MBLAC2: variants seen among roughly 807,000 people sequenced by gnomAD.
MBLAC2 encodes the protein acyl-coenzyme A thioesterase MBLAC2.
MBLAC2 carries 24 observed loss-of-function variants against 23.3 expected under a neutral mutation model. The ratio of observed to expected loss-of-function variants is 1.03; its 90% CI spans 0.75 to 1.45. The LOEUF is 1.45. Among genes scored for constraint, MBLAC2 ranks in the 40% most tolerant of loss-of-function variants. The pLI, the probability that MBLAC2 is intolerant of heterozygous loss-of-function variation, is 0.00. For synonymous variants in MBLAC2, 162 were observed against 150.9 expected, an observed-to-expected ratio of 1.07 and a Z score of -0.54; for missense variants, 358 against 370.0, an observed-to-expected ratio of 0.97 and a Z score of 0.27.
chr5:90,469,323 A>G (rs1410675538), intron 1 of MBLAC2, among the ~76,000 whole-genome samples: 1 of 152,042 alleles, frequency 6.6e-6, no homozygotes, highest in Non-Finnish European at 1.5e-5. Flanking sequence ...CATTATTCTA[A>G]GGCTGGATTT....
chr5:90,474,187 G>C lies in MBLAC2; in HGVS notation c.106C>G (p.Arg36Gly), dbSNP rs766243313. ...ATCACCACGTCCTGCTCGGAGCCGC[G>C]CACCAGCCAGATGTTGGCACGGTTG... ...SGNRANIWLV[R>G]GSEQDVVIDT... is the part of the protein sequence containing the mutation. The change falls in exon 1 of 2, where the codon CGC (arginine) becomes GGC (glycine). Residue 36 changes from arginine (R) to glycine (G), a missense_variant. Transcript: ENST00000316610. 1.2e-6 allele frequency: 2 copies of C among 1,608,384 alleles called. No homozygotes were observed. Among genetic ancestry groups the C allele is most frequent in the African/African-American group, 1.3e-5 (1 of 74,844 alleles).
chr5:90,462,955 A>C (rs886652615), intron 1 of MBLAC2, among the ~76,000 whole-genome samples: 2 of 152,100 alleles, frequency 1.3e-5, no homozygotes, highest in Admixed American at 1.3e-4. Context: ...TCAACAGGCT[A>C]TAAAGCTAGG....
At chr5:90,466,049 G>A (rs559916410) in intron 1 of MBLAC2, among the ~76,000 whole-genome samples, 2 of 152,278 alleles carry the variant, frequency 1.3e-5, no homozygotes, top group East Asian at 3.9e-4. Context: ...GAGGAACACA[G>A]TAAGAAGACG....
chr5:90,466,671 T>A (rs1056676447), intron 1 of MBLAC2, among the ~76,000 whole-genome samples: 1 of 152,184 alleles, frequency 6.6e-6, no homozygotes, highest in Non-Finnish European at 1.5e-5. Flanking sequence ...GCTGAATTTT[T>A]AAAAAAGATT....
intron 1 of MBLAC2, among the ~76,000 whole-genome samples, chr5:90,470,753 C>T (rs996309959): frequency 2.0e-5 from 2 of 98,456 alleles, no homozygotes; most frequent in Non-Finnish European, 4.2e-5. Flanking sequence ...AACTAGCGCG[C>T]GCGCACACAC....
At chr5:90,472,878 G>A (rs1008084577) in intron 1 of MBLAC2, 2 of 152,068 alleles carry the variant, frequency 1.3e-5, no homozygotes, top group Non-Finnish European at 2.9e-5. Context: ...ATTTAACTGG[G>A]GGGTCAGTGG....
At chr5:90,463,174 TC>T (rs1460921375) in intron 1 of MBLAC2, among the ~76,000 whole-genome samples, 2 of 152,370 alleles carry the variant, frequency 1.3e-5, no homozygotes, top group Non-Finnish European at 2.9e-5. Flanking sequence ...ACCTCTGCCT[TC>T]CAGGTTCAAA....
chr5:90,460,423 A>AT lies in MBLAC2; in HGVS notation c.*743_*744insA, dbSNP rs1425517802. On this transcript the variant is annotated 3_prime_UTR_variant, in exon 2 of 2. Transcript: ENST00000316610. ...TTTGCCTGACAGTGTCCTTTTAAGA[A>AT]ATCTGACAATTTGTAGTTAGATAAC... 6.6e-6 allele frequency: 1 copy of AT among 152,568 alleles called. No individual in the cohort carries two copies. Among genetic ancestry groups the AT allele is most frequent in the African/African-American group, 2.4e-5 (1 of 41,446 alleles). The allele number at this position is 152,568 out of a possible 1,614,324, so 9.5% of individuals were successfully genotyped here.
Position 90,474,443 on chromosome 5 carries a change from C to T in MBLAC2, c.-151G>A, listed in dbSNP as rs1750668389. 7 of 701,908 alleles carry T rather than the reference C, an allele frequency of 1.0e-5. No individual in the cohort carries two copies. Among genetic ancestry groups the T allele is most frequent in the Non-Finnish European group, 1.7e-5 (7 of 415,626 alleles). 43.5% of individuals were successfully genotyped at this position (701,908 alleles called of 1,614,324 possible). On this transcript the variant is annotated 5_prime_UTR_variant, in exon 1 of 2. Transcript: ENST00000316610. ...AGGCGGGGGCGTGGGATGCGGGGGT[C>T]GGAATAGGAGGAGGAAGGACGCAGA...
rs535204977 is a variant in MBLAC2, at chr5:90,461,443, T to G, written c.564A>C (p.Gly188=). The change falls in exon 2 of 2, where the codon GGA becomes GGC. Residue 188 remains glycine (G), a synonymous_variant. Coordinates refer to ENST00000316610, the MANE Select transcript of MBLAC2 (RefSeq NM_203406.2). ...TCAGTGATCCATCATACACGACGTCTCCACTGAAGAGAATCTTTCGGTCTT... is the reference window on the plus strand; with the variant it reads ...TCAGTGATCCATCATACACGACGTCGCCACTGAAGAGAATCTTTCGGTCTT... The part of the protein sequence containing the change: ...HDKDRKILFS[G]DVVYDGSLID... 6.2e-7 allele frequency: 1 copy of G among 1,614,146 alleles called. No homozygotes were observed. Among genetic ancestry groups the G allele is most frequent in the African/African-American group, 1.3e-5 (1 of 75,038 alleles).
rs148053672 is a variant in MBLAC2, at chr5:90,474,278, C to G, written c.15G>C (p.Glu5Asp). The G allele has an allele frequency of 5.8e-5, 94 of 1,613,154 alleles. No individual in the cohort carries two copies. The highest frequency in any genetic ancestry group is 7.2e-5 in the Non-Finnish European group (85 of 1,179,778). The change falls in exon 1 of 2, where the codon GAG becomes GAC. Residue 5 changes from glutamate (E) to aspartate (D), a missense_variant. Coordinates refer to ENST00000316610, the MANE Select transcript of MBLAC2 (RefSeq NM_203406.2). MSAL[E>D]WYAHKSLGDG... ...CGCCTAGAGACTTGTGGGCGTACCA[C>G]TCGAGCGCCGACATGCTGGGCAGGG...
chr5:90,463,032 C>T (rs1362203677), intron 1 of MBLAC2, among the ~76,000 whole-genome samples: 1 of 152,174 alleles, frequency 6.6e-6, no homozygotes, highest in Non-Finnish European at 1.5e-5. Flanking sequence ...CTGCCTACAA[C>T]ATAATTAAAT....
At chr5:90,471,929 A>G (rs1750555248) in intron 1 of MBLAC2, 1 of 152,198 alleles carries the variant, frequency 6.6e-6, no homozygotes, top group African/African-American at 2.4e-5. Context: ...AGTGTTTGGT[A>G]AACATTAAGC....
At position 90,461,032 on chromosome 5, in the gene MBLAC2, T is replaced by G; in HGVS notation, c.*135A>C. ...TAAACTAACAATTTTCTTTTTGGCT[T>G]ATTCATTCTCAATCTTTCTCTGATA... On this transcript the variant is annotated 3_prime_UTR_variant, in exon 2 of 2. Transcript: ENST00000316610. 2 of 738,358 alleles carry G rather than the reference T, an allele frequency of 2.7e-6. No individual in the cohort carries two copies. The highest frequency in any genetic ancestry group is 4.1e-6 in the Non-Finnish European group (2 of 486,828). 45.7% of individuals were successfully genotyped at this position (738,358 alleles called of 1,614,324 possible). A position where few individuals can be genotyped will look rare whatever the true frequency, so the allele number is the denominator to read the frequency against.
chr5:90,474,162 ATCACCACG>A lies in MBLAC2; in HGVS notation c.123_130del (p.Val42ArgfsTer71). Reference sequence around the variant, plus strand: ...GCTGCGCAGCCCCAGGCCTGTATCGATCACCACGTCCTGCTCGGAGCCGCGCACCAGCC... The same window carrying A: ...GCTGCGCAGCCCCAGGCCTGTATCGATCCTGCTCGGAGCCGCGCACCAGCC... On this transcript the variant is annotated frameshift_variant, in exon 1 of 2. Transcript: ENST00000316610. LOFTEE classifies it high-confidence loss of function. 1 of 1,600,488 alleles carries A rather than the reference ATCACCACG, an allele frequency of 6.2e-7. No homozygotes were observed. Among genetic ancestry groups the A allele is most frequent in the Non-Finnish European group, 8.5e-7 (1 of 1,173,424 alleles).
intron 1 of MBLAC2, among the ~76,000 whole-genome samples, chr5:90,468,440 A>G (rs1337727834): frequency 4.0e-5 from 6 of 151,822 alleles, no homozygotes; most frequent in Non-Finnish European, 1.5e-5. Flanking sequence ...TTCAAAAGCC[A>G]TGTCTTTGAG....
intron 1 of MBLAC2, among the ~76,000 whole-genome samples, chr5:90,468,062 C>G (rs985121035): frequency 6.6e-6 from 1 of 152,172 alleles, no homozygotes; most frequent in African/African-American, 2.4e-5. Context: ...TGTAGAGTTT[C>G]TGCTGTTAGA....
At chr5:90,465,066 T>C (rs1333579964) in intron 1 of MBLAC2, among the ~76,000 whole-genome samples, 1 of 152,054 alleles carries the variant, frequency 6.6e-6, no homozygotes, top group Non-Finnish European at 1.5e-5. Flanking sequence ...GAAAAGAAAA[T>C]CTGTCTTTAT....
rs1403785807 is a variant in MBLAC2 at position 90,458,706 on chromosome 5, A to AC, written c.*2460dup. On this transcript the variant is annotated 3_prime_UTR_variant, in exon 2 of 2. Transcript: ENST00000316610. ...AGAAAGAGAAGTGTGGGGCAGACAG[A>AC]CCTGTGTTCAGTTACTAGCTTTGTC... is the stretch of plus-strand genomic sequence containing the variant. The AC allele has an allele frequency of 6.6e-6, 1 of 152,184 alleles. No individual in the cohort carries two copies. Among genetic ancestry groups the AC allele is most frequent in the African/African-American group, 2.4e-5 (1 of 41,468 alleles). 9.4% of individuals were successfully genotyped at this position (152,184 alleles called of 1,614,324 possible).
Sources: gnomAD v4.1 joint callset for allele counts (sites outside exome capture counted in the v4.1 genomes callset) on GRCh38, gnomAD v4.1.1 for gene constraint, MANE v1.5 for transcripts, NCBI Gene and HGNC (gene_info 2026-07-23, HGNC 2026-07-21) for gene names.